Variants in PITPNA observed in about 807,000 individuals in gnomAD.
PITPNA encodes phosphatidylinositol transfer protein alpha, also known as phosphatidylinositol transfer protein alpha isoform.
A neutral mutation model predicts 50.3 loss-of-function variants in PITPNA; 13 were observed. The observed-to-expected ratio is 0.26, with a 90% CI of 0.17 to 0.41. PITPNA has a LOEUF of 0.41. PITPNA is among the 10% of genes least tolerant of loss of function. The pLI, the probability that PITPNA is intolerant of heterozygous loss-of-function variation, is 1.00. For synonymous variants in PITPNA, 120 were observed against 119.6 expected (o/e 1.00, Z -0.02); for missense variants, 207 against 333.4 (o/e 0.62, Z 2.95).
intron 10 of PITPNA, among the ~76,000 whole-genome samples, chr17:1,528,830 T>A (rs1198753523): frequency 6.6e-6 from 1 of 151,286 alleles, no homozygotes; most frequent in Non-Finnish European, 1.5e-5. Context: ...TGCCAGCAGG[T>A]TGGAGGGAAT....
In PITPNA at chr17:1,519,126, G is replaced by A. The variant is rs2075492906; in HGVS notation, c.*1435C>T. ...CCTTATTGCACTTAGAAATGAGTAA[G>A]GCAAACAAACTGACAAAAACAGGAT... On this transcript the variant is annotated 3_prime_UTR_variant, in exon 12 of 12. Coordinates refer to ENST00000313486, the MANE Select transcript of PITPNA (RefSeq NM_006224.4). 6.6e-6 allele frequency: 1 copy of A among 152,526 alleles called. No homozygotes were observed. Among genetic ancestry groups the A allele is most frequent in the Admixed American group, 6.5e-5 (1 of 15,268 alleles). The allele number at this position is 152,526 out of a possible 1,614,324, so 9.4% of individuals were successfully genotyped here. A position where few individuals can be genotyped will look rare whatever the true frequency, so the allele number is the denominator to read the frequency against.
chr17:1,544,867 C>T (rs1470798737), intron 4 of PITPNA, among the ~76,000 whole-genome samples: 1 of 152,186 alleles, frequency 6.6e-6, no homozygotes, highest in African/African-American at 2.4e-5. Flanking sequence ...GAGGACCCCA[C>T]AGCCCAACAC....
intron 4 of PITPNA, among the ~76,000 whole-genome samples, chr17:1,544,116 A>G (rs758198186): frequency 3.2e-4 from 48 of 152,204 alleles, no homozygotes; most frequent in Non-Finnish European, 5.7e-4. Flanking sequence ...TTTTGAATCT[A>G]TCTCCTCTAA....
chr17:1,549,318 G>T (rs1479107271), intron 3 of PITPNA, among the ~76,000 whole-genome samples: 1 of 142,230 alleles, frequency 7.0e-6, no homozygotes, highest in Non-Finnish European at 1.5e-5. Context: ...AAAACATTTA[G>T]AATTTTTTTT....
chr17:1,534,000 G>C (rs1210000412), intron 10 of PITPNA, 99 bp downstream of exon 10: 1 of 1,397,888 alleles, frequency 7.2e-7, no homozygotes, highest in Non-Finnish European at 1.0e-6. Context: ...CGTGTTCCCA[G>C]AACTACAGGA....
chr17:1,562,417 A>G lies in PITPNA; in HGVS notation c.20+124T>C. The G allele has an allele frequency of 3.0e-6, 2 of 676,650 alleles. No individual in the cohort carries two copies. Among genetic ancestry groups the G allele is most frequent in the East Asian group, 4.7e-5 (1 of 21,326 alleles). The allele number at this position is 676,650 out of a possible 1,614,324, so 41.9% of individuals were successfully genotyped here. A position where few individuals can be genotyped will look rare whatever the true frequency, so the allele number is the denominator to read the frequency against. ...CCTCCATCCCCGCTGGGCCCGCCTC[A>G]GGCACCCTCCGTCCCTGCTGCCCCT... On this transcript the variant is annotated intron_variant, in intron 1 of 11. Coordinates refer to ENST00000313486, the MANE Select transcript of PITPNA (RefSeq NM_006224.4). The surrounding 1 kb of genome is among the most constrained non-coding windows in gnomAD (Gnocchi z 6.4).
At chr17:1,552,619 G>A (rs757893868) in intron 3 of PITPNA, among the ~76,000 whole-genome samples, 71 of 148,398 alleles carry the variant, frequency 4.8e-4, no homozygotes, top group Non-Finnish European at 6.2e-4. Context: ...GCATATACAA[G>A]TACATCAGAA....
chr17:1,521,910 TG>T lies in PITPNA; in HGVS notation c.769-266del, dbSNP rs1293835920. On this transcript the variant is annotated intron_variant, in intron 10 of 11. Transcript: ENST00000313486. Reference sequence around the variant, plus strand: ...TTTTTTTTTGGTAAAGAGGTGTGTGTGGGGGGGTCTTCCTATGTTGACCAGG... The same window carrying T: ...TTTTTTTTTGGTAAAGAGGTGTGTGTGGGGGGTCTTCCTATGTTGACCAGG... Among the ~76,000 whole-genome samples the T allele has an allele frequency of 4.4e-5, 6 of 137,608 alleles. No homozygotes were observed. The South Asian group carries it at 1.4e-3, about 32-fold the overall frequency. The allele number at this position is 137,608 out of a possible 152,430, so 90.3% of individuals were successfully genotyped here.
chr17:1,524,071 G>A (rs1433846591), intron 10 of PITPNA, among the ~76,000 whole-genome samples: 1 of 138,058 alleles, frequency 7.2e-6, no homozygotes, highest in East Asian at 2.1e-4. Context: ...TTGAGACGGA[G>A]TCTCGCTCAG....
intron 2 of PITPNA, among the ~76,000 whole-genome samples, 151 bp from the exon 3 acceptor site, chr17:1,553,300 C>T (rs142640860): frequency 6.6e-6 from 1 of 152,328 alleles, no homozygotes. Flanking sequence ...TTGCCCAAAC[C>T]CACCCAAAGC....
intron 7 of PITPNA, 59 bp from the exon 8 acceptor site, chr17:1,535,577 G>A (rs1163466459): frequency 4.9e-6 from 5 of 1,024,432 alleles, no homozygotes; most frequent in African/African-American, 1.6e-5. Context: ...GAGAGATGGG[G>A]AGAACAGATC....
In PITPNA at chr17:1,557,943, G is replaced by A. The variant is rs556229033; in HGVS notation, c.51+586C>T. ...ACACACTTGATCCCATCAATAATGC[G>A]TCCCCGGCCGGGTGTGGGGGCTCAC... On this transcript the variant is annotated intron_variant, in intron 2 of 11. Coordinates refer to ENST00000313486, the MANE Select transcript of PITPNA (RefSeq NM_006224.4). 9.2e-5 allele frequency among the ~76,000 whole-genome samples: 14 copies of A among 152,268 alleles called. No individual in the cohort carries two copies. In the South Asian group the frequency reaches 1.7e-3, roughly 18 times the overall value.
intron 3 of PITPNA, among the ~76,000 whole-genome samples, chr17:1,549,280 T>G (rs1262997339): frequency 6.6e-6 from 1 of 151,230 alleles, no homozygotes. Flanking sequence ...TTTTTTTTTT[T>G]GGTAGGTGTG....
At chr17:1,532,445 T>C (rs1308845975) in intron 10 of PITPNA, among the ~76,000 whole-genome samples, 1 of 152,190 alleles carries the variant, frequency 6.6e-6, no homozygotes, top group East Asian at 1.9e-4. Flanking sequence ...CACTGAGGGC[T>C]CTCAAAGTTT....
Position 1,520,270 on chromosome 17 carries a change from G to A in PITPNA, c.*291C>T, listed in dbSNP as rs766816442. ...AAAGGTTGGGGGAACACACAGAAAT[G>A]GATCGGAACACAATGGAGAGAGACG... On this transcript the variant is annotated 3_prime_UTR_variant, in exon 12 of 12. Coordinates refer to ENST00000313486, the MANE Select transcript of PITPNA (RefSeq NM_006224.4). 1 of 152,412 alleles carries A rather than the reference G, an allele frequency of 6.6e-6. No homozygotes were observed. The highest frequency in any genetic ancestry group is 1.5e-5 in the Non-Finnish European group (1 of 68,036). 9.4% of individuals were successfully genotyped at this position (152,412 alleles called of 1,614,324 possible). A position where few individuals can be genotyped will look rare whatever the true frequency, so the allele number is the denominator to read the frequency against.
At chr17:1,528,891 A>G (rs1416397135) in intron 10 of PITPNA, among the ~76,000 whole-genome samples, 1 of 151,998 alleles carries the variant, frequency 6.6e-6, no homozygotes, top group Non-Finnish European at 1.5e-5. Flanking sequence ...TAATCCCAAC[A>G]CTTTGGGAGG....
At chr17:1,521,473 G>A in intron 11 of PITPNA, 106 bp downstream of exon 11, 2 of 767,166 alleles carry the variant, frequency 2.6e-6, no homozygotes, top group South Asian at 1.4e-5. Context: ...CATTACTAGA[G>A]GGAAGGAGGA....
At chr17:1,548,727 A>G (rs943063172) in intron 3 of PITPNA, among the ~76,000 whole-genome samples, 2 of 152,132 alleles carry the variant, frequency 1.3e-5, no homozygotes, top group Non-Finnish European at 2.9e-5. Context: ...AGAAAAACAC[A>G]AAGGAGATGC....
chr17:1,554,022 G>A (rs988293050), intron 2 of PITPNA, among the ~76,000 whole-genome samples: 1 of 152,194 alleles, frequency 6.6e-6, no homozygotes, highest in Non-Finnish European at 1.5e-5. Context: ...TGGGTCACAT[G>A]CCACCCTATC....
Sources: allele counts gnomAD v4.1 joint callset (sites outside exome capture counted in the v4.1 genomes callset), GRCh38; gene constraint gnomAD v4.1.1; non-coding constraint Gnocchi (gnomAD v3.1); transcripts MANE v1.5; gene names NCBI Gene and HGNC (gene_info 2026-07-23, HGNC 2026-07-21).